Variants in ARID4A observed in about 807,000 individuals in gnomAD.
The protein encoded by ARID4A is AT-rich interactive domain-containing protein 4A.
Under a neutral mutation model 148.6 loss-of-function variants are expected in ARID4A, and 39 were observed. The ratio of observed to expected loss-of-function variants is 0.26; its 90% confidence interval spans 0.20 to 0.34. The LOEUF (loss-of-function observed/expected upper bound fraction) is 0.34. Ranked by LOEUF, ARID4A falls within the 10% of genes least tolerant of loss-of-function variation. ARID4A has a pLI of 1.00. For synonymous variants in ARID4A, 475 were observed against 481.2 expected (o/e 0.99, Z 0.17); for missense variants, 1,265 against 1,449.1 (o/e 0.87, Z 2.06).
At chr14:58,323,457 A>G (rs760962942) in intron 7 of ARID4A, 28 bp from the exon 8 acceptor site, 10 of 1,593,666 alleles carry the variant, frequency 6.3e-6, no homozygotes, top group East Asian at 2.2e-5. Context: ...TTGTGTTAGG[A>G]TAATGATCAA....
intron 8 of ARID4A, among the ~76,000 whole-genome samples, chr14:58,324,660 T>G (rs1011916596): frequency 2.0e-5 from 3 of 152,190 alleles, no homozygotes; most frequent in Admixed American, 6.5e-5. Flanking sequence ...TCTGCCTAAT[T>G]GATCAGTTTT....
rs1256789795 is a variant in ARID4A, at chr14:58,344,739, G to A, written c.951G>A (p.Gln317=). 6.2e-7 allele frequency: 1 copy of A among 1,613,032 alleles called. No homozygotes were observed. The highest frequency in any genetic ancestry group is 8.5e-7 in the Non-Finnish European group (1 of 1,179,374). ...CTGAAGAGAGGGACAACTTCCTCCA[G>A]CAGCTTTATAAGTTTATGGAAGACA... ...LDPEERDNFL[Q]QLYKFMEDRG... Residue 317 remains glutamine (Q), a synonymous_variant, in exon 12 of 24, where the codon CAG becomes CAA. Coordinates refer to ENST00000355431, the MANE Select transcript of ARID4A (RefSeq NM_002892.4).
intron 11 of ARID4A, among the ~76,000 whole-genome samples, chr14:58,340,767 G>C (rs1427451982): frequency 6.6e-6 from 1 of 152,168 alleles, no homozygotes; most frequent in Non-Finnish European, 1.5e-5. Context: ...TTACAGGCGT[G>C]AGCCACCGTG....
chr14:58,367,299 C>G (rs1238497780), intron 23 of ARID4A, among the ~76,000 whole-genome samples: 1 of 152,218 alleles, frequency 6.6e-6, no homozygotes, highest in Non-Finnish European at 1.5e-5. Context: ...CTGAAATTCA[C>G]TCTTTGCTCA....
At chr14:58,299,190 C>T (rs56292968) in intron 1 of ARID4A, 107,548 of 151,406 alleles carry the variant, frequency 0.71, 38,603 homozygotes, top group Middle Eastern at 0.87. Context: ...CCTCCTCCTC[C>T]CCTCCGCCCC....
Position 58,340,374 on chromosome 14 carries a change from G to C in ARID4A, c.907-4321G>C, listed in dbSNP as rs1249016618. Among the ~76,000 whole-genome samples, 4 of 151,132 alleles carry C rather than the reference G, an allele frequency of 2.6e-5. No individual in the cohort carries two copies. In the East Asian group the frequency reaches 5.9e-4, roughly 22 times the overall value. ...TTGGTTTTTTGGTTTTTTTGAGACAGAGTCTTGCTCTGTTGCCCAGGCTGG... is the reference window on the plus strand; with the variant it reads ...TTGGTTTTTTGGTTTTTTTGAGACACAGTCTTGCTCTGTTGCCCAGGCTGG... On this transcript the variant is annotated intron_variant, in intron 11 of 23. Transcript: ENST00000355431.
chr14:58,305,762 A>G lies in ARID4A; in HGVS notation c.184-260A>G, dbSNP rs567863923. On this transcript the variant is annotated intron_variant, in intron 4 of 23. Coordinates refer to ENST00000355431, the MANE Select transcript of ARID4A (RefSeq NM_002892.4). ...TGGGCTGTCATGCTGGACTCTGCATATTATTTTCTCTTTCTGAACGGCAAT... is the reference window on the plus strand; with the variant it reads ...TGGGCTGTCATGCTGGACTCTGCATGTTATTTTCTCTTTCTGAACGGCAAT... Among the ~76,000 whole-genome samples the G allele has an allele frequency of 8.5e-5, 13 of 152,310 alleles. No individual in the cohort carries two copies. In the South Asian group the frequency reaches 2.7e-3, roughly 32 times the overall value.
intron 20 of ARID4A, 46 bp from the exon 21 acceptor site, chr14:58,365,467 CTTTTT>C (rs71107938): frequency 1.2e-3 from 437 of 350,954 alleles, no homozygotes; most frequent in East Asian, 3.9e-3. Context: ...TATACTTGCT[CTTTTT>C]TTTTTTTTTT....
At position 58,366,300 on chromosome 14, in the gene ARID4A, G is replaced by A. The variant is rs1325943758; in HGVS notation, c.3523+70G>A. 2.5e-6 allele frequency: 3 copies of A among 1,198,600 alleles called. No individual in the cohort carries two copies. In the Admixed American group the frequency reaches 6.3e-5, roughly 25 times the overall value. The allele number at this position is 1,198,600 out of a possible 1,614,324, so 74.2% of individuals were successfully genotyped here. Reference sequence around the variant, plus strand: ...GAATAGATCTTAAAATATCAACTTGGATTAATGTTAATAAAATAAGGAATA... The same window carrying A: ...GAATAGATCTTAAAATATCAACTTGAATTAATGTTAATAAAATAAGGAATA... On this transcript the variant is annotated intron_variant, in intron 22 of 23. Transcript: ENST00000355431.
intron 20 of ARID4A, 104 bp from the exon 21 acceptor site, chr14:58,365,407 CTTCTTTT>C (rs919955946): frequency 7.2e-6 from 10 of 1,384,198 alleles, no homozygotes; most frequent in Non-Finnish European, 9.7e-6. Context: ...TCTTTTCTCT[CTTCTTTT>C]CTTATTAAAA....
intron 8 of ARID4A, among the ~76,000 whole-genome samples, chr14:58,326,763 C>T (rs1468545473): frequency 6.6e-6 from 1 of 152,106 alleles, no homozygotes; most frequent in African/African-American, 2.4e-5. Flanking sequence ...TTGGGTTATG[C>T]CTACTCATCC....
intron 4 of ARID4A, among the ~76,000 whole-genome samples, chr14:58,305,702 A>G (rs1370379968): frequency 6.6e-6 from 1 of 152,192 alleles, no homozygotes; most frequent in Non-Finnish European, 1.5e-5. Context: ...GCAATGTGAT[A>G]TAGTGGAAAA....
chr14:58,332,261 G>A (rs947729089), intron 11 of ARID4A, among the ~76,000 whole-genome samples: 7 of 152,058 alleles, frequency 4.6e-5, no homozygotes, highest in African/African-American at 7.2e-5. Context: ...TACAAGGATA[G>A]TATCTTAAAA....
chr14:58,336,172 A>G (rs1462120498), intron 11 of ARID4A, among the ~76,000 whole-genome samples: 6 of 152,234 alleles, frequency 3.9e-5, no homozygotes, highest in Non-Finnish European at 8.8e-5. Context: ...AGTATAATGT[A>G]CATTATTTAA....
intron 7 of ARID4A, among the ~76,000 whole-genome samples, chr14:58,319,916 C>T (rs1288931833): frequency 6.7e-6 from 1 of 148,534 alleles, no homozygotes; most frequent in East Asian, 2.0e-4. Flanking sequence ...TTTACGATTC[C>T]CTCTCTATAT....
intron 16 of ARID4A, among the ~76,000 whole-genome samples, chr14:58,351,980 C>G (rs1378023587): frequency 6.6e-6 from 1 of 152,164 alleles, no homozygotes; most frequent in Non-Finnish European, 1.5e-5. Flanking sequence ...AAGGTAGTCT[C>G]TGACCAAGTT....
chr14:58,346,575 A>ATC, intron 13 of ARID4A, 70 bp downstream of exon 13: 1 of 937,580 alleles, frequency 1.1e-6, no homozygotes, highest in Non-Finnish European at 1.7e-6. Context: ...ATATTGCATT[A>ATC]TTATATGCAC....
Position 58,373,165 on chromosome 14 carries a change from T to G in ARID4A, c.*1176T>G, listed in dbSNP as rs1269553166. 2 of 200,620 alleles carry G rather than the reference T, an allele frequency of 1.0e-5. No homozygotes were observed. Among genetic ancestry groups the G allele is most frequent in the East Asian group, 7.8e-5 (1 of 12,874 alleles). 12.4% of individuals were successfully genotyped at this position (200,620 alleles called of 1,614,324 possible). A position where few individuals can be genotyped will look rare whatever the true frequency, so the allele number is the denominator to read the frequency against. On this transcript the variant is annotated 3_prime_UTR_variant, in exon 24 of 24. Transcript: ENST00000355431. ...ATTTTTGGTTGCCCTTAAGATACTT[T>G]GTCACAGTTTTTATGTTTGCTATAC...
chr14:58,358,190 C>T (rs538788270), intron 17 of ARID4A, among the ~76,000 whole-genome samples: 113 of 152,142 alleles, frequency 7.4e-4, no homozygotes, highest in African/African-American at 1.9e-3. Flanking sequence ...AAAAAATTGC[C>T]GGGTCCAGTG....
Sources: allele counts gnomAD v4.1 joint callset (sites outside exome capture counted in the v4.1 genomes callset), GRCh38; gene constraint gnomAD v4.1.1; transcripts MANE v1.5; gene names NCBI Gene and HGNC (gene_info 2026-07-23, HGNC 2026-07-21).